MYH10: variants seen among roughly 807,000 people sequenced by gnomAD.
MYH10 encodes myosin heavy chain 10.
A neutral mutation model predicts 257.8 loss-of-function variants in MYH10; 55 were observed. The ratio of observed to expected loss-of-function variants is 0.21; its 90% CI spans 0.17 to 0.27. The LOEUF (loss-of-function observed/expected upper bound fraction) is 0.27, where lower values mean the gene tolerates loss of function less well. Among genes scored for constraint, MYH10 ranks in the 10% least tolerant of loss-of-function variants. MYH10 has a pLI of 1.00. For missense variants in MYH10, 1,631 were observed against 2,500.6 expected (o/e 0.65, Z 7.42); for synonymous variants, 854 against 921.7 (o/e 0.93, Z 1.33).
At chr17:8,606,838 T>C (rs1472862006) in intron 2 of MYH10, among the ~76,000 whole-genome samples, 3 of 152,240 alleles carry the variant, frequency 2.0e-5, no homozygotes, top group South Asian at 2.1e-4. Flanking sequence ...TGCCTGAGAC[T>C]GTACTAATTA....
chr17:8,492,263 C>T (rs746389359), intron 34 of MYH10, 34 bp downstream of exon 34: 26 of 1,597,440 alleles, frequency 1.6e-5, no homozygotes, highest in African/African-American at 6.7e-5. Context: ...GATACTCTCC[C>T]GTGCGGAAGT....
chr17:8,493,652 G>A (rs1916113899), intron 32 of MYH10, 81 bp downstream of exon 32: 2 of 1,481,202 alleles, frequency 1.4e-6, no homozygotes, highest in Non-Finnish European at 1.8e-6. Context: ...AAATGGAGCT[G>A]AGACAGCCCA....
At chr17:8,516,929 G>C (rs919051466) in intron 21 of MYH10, among the ~76,000 whole-genome samples, 1 of 152,012 alleles carries the variant, frequency 6.6e-6, no homozygotes, top group East Asian at 1.9e-4. Flanking sequence ...ACAAGGTCAG[G>C]AGATCGAGAC....
At chr17:8,617,664 A>C (rs978836806) in intron 2 of MYH10, among the ~76,000 whole-genome samples, 4 of 152,220 alleles carry the variant, frequency 2.6e-5, no homozygotes, top group African/African-American at 9.6e-5. Flanking sequence ...AAGTACATGT[A>C]TATGGCTGTT....
At chr17:8,608,513 T>A (rs1597964839) in intron 2 of MYH10, among the ~76,000 whole-genome samples, 1 of 152,366 alleles carries the variant, frequency 6.6e-6, no homozygotes, top group South Asian at 2.1e-4. Context: ...AACAAATCCC[T>A]TTAATGTACT....
At chr17:8,573,920 A>G (rs2083423465) in intron 6 of MYH10, 3 of 564,560 alleles carry the variant, frequency 5.3e-6, no homozygotes, top group Non-Finnish European at 6.7e-6. Context: ...CAATGAGGAT[A>G]TGGAGAAACT....
chr17:8,603,530 T>C (rs1475013703), intron 3 of MYH10, among the ~76,000 whole-genome samples: 2 of 152,240 alleles, frequency 1.3e-5, no homozygotes, highest in African/African-American at 4.8e-5. Flanking sequence ...AGATGTTATC[T>C]GTTTAAATGA....
intron 34 of MYH10, among the ~76,000 whole-genome samples, chr17:8,491,612 G>A (rs1286096576): frequency 1.3e-5 from 2 of 152,188 alleles, no homozygotes; most frequent in East Asian, 1.9e-4. Context: ...TGGCAGATAA[G>A]GAAACTTAGG....
At chr17:8,572,830 C>G (rs2083392713) in intron 6 of MYH10, among the ~76,000 whole-genome samples, 1 of 152,132 alleles carries the variant, frequency 6.6e-6, no homozygotes, top group African/African-American at 2.4e-5. Flanking sequence ...AATGAATCCC[C>G]AAAAACCTGG....
chr17:8,571,463 T>C (rs1299178069), intron 6 of MYH10, among the ~76,000 whole-genome samples: 1 of 151,984 alleles, frequency 6.6e-6, no homozygotes, highest in Non-Finnish European at 1.5e-5. Flanking sequence ...CTGAACAACT[T>C]TGATGACTGA....
intron 32 of MYH10, 47 bp from the exon 33 acceptor site, chr17:8,493,071 C>T (rs768785582): frequency 1.3e-6 from 2 of 1,579,838 alleles, no homozygotes; most frequent in South Asian, 2.3e-5. Flanking sequence ...TTAATGTACT[C>T]AATTGGGGCC....
At chr17:8,487,180 T>G (rs544748094) in intron 36 of MYH10, among the ~76,000 whole-genome samples, 1 of 152,302 alleles carries the variant, frequency 6.6e-6, no homozygotes, top group African/African-American at 2.4e-5. Context: ...AGGGTGGGTT[T>G]TAAGCATCGC....
intron 14 of MYH10, among the ~76,000 whole-genome samples, chr17:8,541,589 T>C (rs937048240): frequency 6.9e-6 from 1 of 144,884 alleles, no homozygotes; most frequent in Non-Finnish European, 1.5e-5. Context: ...AAGAAAAGAG[T>C]TTCTGATGCT....
At chr17:8,527,719 G>T (rs1317351422) in intron 17 of MYH10, among the ~76,000 whole-genome samples, 1 of 152,156 alleles carries the variant, frequency 6.6e-6, no homozygotes, top group East Asian at 1.9e-4. Flanking sequence ...TCAGGTTCAC[G>T]TTGCCTCAGT....
chr17:8,520,753 T>C, intron 19 of MYH10, 125 bp downstream of exon 19: 1 of 1,053,666 alleles, frequency 9.5e-7, no homozygotes, highest in Non-Finnish European at 1.3e-6. Context: ...TCACTATATG[T>C]TTGCTATATA....
chr17:8,497,903 A>G (rs1429677511), intron 30 of MYH10, among the ~76,000 whole-genome samples: 1 of 151,608 alleles, frequency 6.6e-6, no homozygotes, highest in Non-Finnish European at 1.5e-5. Flanking sequence ...TAGCAGTTAC[A>G]TCGTCTTAGG....
intron 34 of MYH10, 56 bp downstream of exon 34, chr17:8,492,241 C>T: frequency 6.4e-7 from 1 of 1,560,576 alleles, no homozygotes. Flanking sequence ...GTGTGAAGGC[C>T]CAGGCCCCTG....
intron 6 of MYH10, among the ~76,000 whole-genome samples, chr17:8,574,143 GATGA>G (rs2083430403): frequency 1.3e-5 from 2 of 152,266 alleles, no homozygotes; most frequent in African/African-American, 4.8e-5. Context: ...TCCATTCACT[GATGA>G]ATGGATAAAC....
intron 2 of MYH10, among the ~76,000 whole-genome samples, chr17:8,611,345 C>T (rs572488799): frequency 6.6e-6 from 1 of 152,234 alleles, no homozygotes; most frequent in Non-Finnish European, 1.5e-5. Flanking sequence ...GAGTCTCAAA[C>T]TATTTCCACA....
Sources: gnomAD v4.1 joint callset for allele counts (sites outside exome capture counted in the v4.1 genomes callset) on GRCh38, gnomAD v4.1.1 for gene constraint, MANE v1.5 for transcripts, NCBI Gene and HGNC (gene_info 2026-07-23, HGNC 2026-07-21) for gene names.